PRKCA: variants seen among roughly 807,000 people sequenced by gnomAD.
The protein encoded by PRKCA is protein kinase C alpha type.
PRKCA carries 27 observed loss-of-function variants against 87.0 expected under a neutral mutation model. The observed-to-expected ratio is 0.31, with a 90% CI of 0.23 to 0.43. The LOEUF (loss-of-function observed/expected upper bound fraction) is 0.43, where lower values mean the gene tolerates loss of function less well. Among genes scored for constraint, PRKCA ranks in the 20% least tolerant of loss-of-function variants. PRKCA has a pLI of 1.00. For synonymous variants in PRKCA, 329 were observed against 311.1 expected (o/e 1.06, Z -0.61); for missense variants, 518 against 852.3 (o/e 0.61, Z 4.88).
intron 14 of PRKCA, among the ~76,000 whole-genome samples, chr17:66,784,808 C>T (rs1975337148): frequency 6.6e-6 from 1 of 152,132 alleles, no homozygotes; most frequent in African/African-American, 2.4e-5. Context: ...CCTGATGGCA[C>T]AGGTAGCTGT....
rs1016023125 is a variant in PRKCA, at chr17:66,439,742, G to A, written c.206-56459G>A. 9.2e-5 allele frequency among the ~76,000 whole-genome samples: 14 copies of A among 152,288 alleles called. No individual in the cohort carries two copies. The East Asian group carries it at 1.3e-3, about 15-fold the overall frequency. On this transcript the variant is annotated intron_variant, in intron 2 of 16. Coordinates refer to ENST00000413366, the MANE Select transcript of PRKCA (RefSeq NM_002737.3). ...GTCAAAGGATACTATAGGTCATGGC[G>A]CATGGTCTTTTGCTGATGTTCGTTT... is the stretch of plus-strand genomic sequence containing the variant.
intron 2 of PRKCA, among the ~76,000 whole-genome samples, chr17:66,448,630 C>A (rs749608753): frequency 1.3e-5 from 2 of 152,078 alleles, no homozygotes; most frequent in African/African-American, 2.4e-5. Context: ...GCATAATTCA[C>A]GTTATAAGGA....
At position 66,803,917 on chromosome 17, in the gene PRKCA, A is replaced by G. The variant is rs779258930; in HGVS notation, c.1899A>G (p.Gly633=). ...AENFDKFFTR[G]QPVLTPPDQL... Reference sequence around the variant, plus strand: ...ACTTTGACAAGTTCTTCACACGAGGACAGCCCGTCTTAACACCACCTGATC... The same window carrying G: ...ACTTTGACAAGTTCTTCACACGAGGGCAGCCCGTCTTAACACCACCTGATC... Residue 633 remains glycine (G), a synonymous_variant, in exon 17 of 17, where the codon GGA becomes GGG. Transcript: ENST00000413366. This position sits in a 1 kb window ranked among gnomAD's most constrained non-coding sequence, Gnocchi z 4.4. 9.9e-6 allele frequency: 16 copies of G among 1,613,900 alleles called. No homozygotes were observed. In the Admixed American group the frequency reaches 2.5e-4, roughly 25 times the overall value.
intron 2 of PRKCA, among the ~76,000 whole-genome samples, chr17:66,361,385 C>T (rs181449302): frequency 2.6e-5 from 4 of 151,614 alleles, no homozygotes; most frequent in African/African-American, 7.3e-5. Context: ...GACCCTGGCT[C>T]ACTGTTACCT....
intron 2 of PRKCA, among the ~76,000 whole-genome samples, chr17:66,437,552 T>C (rs1039102405): frequency 8.5e-5 from 13 of 152,058 alleles, no homozygotes; most frequent in Admixed American, 2.6e-4. Flanking sequence ...TTTTTCTCAC[T>C]GACAGATAGG....
At chr17:66,768,244 A>ATT (rs148009151) in intron 13 of PRKCA, among the ~76,000 whole-genome samples, 16 of 132,510 alleles carry the variant, frequency 1.2e-4, no homozygotes, top group Middle Eastern at 8.2e-3. Flanking sequence ...ATGCCCAGCC[A>ATT]TTTTTTTTTT....
At chr17:66,643,566 C>T (rs566906689) in intron 4 of PRKCA, among the ~76,000 whole-genome samples, 31 of 152,310 alleles carry the variant, frequency 2.0e-4, no homozygotes, top group Admixed American at 6.5e-4. Flanking sequence ...ACTTTGTTTG[C>T]AAAATGGTTT....
intron 3 of PRKCA, among the ~76,000 whole-genome samples, chr17:66,607,890 T>C (rs1427870025): frequency 6.6e-6 from 1 of 152,226 alleles, no homozygotes; most frequent in Admixed American, 6.5e-5. Flanking sequence ...AAAAGTATTC[T>C]AAAATGAGGT....
chr17:66,360,053 G>A (rs1908297675), intron 2 of PRKCA, among the ~76,000 whole-genome samples: 1 of 152,128 alleles, frequency 6.6e-6, no homozygotes, highest in South Asian at 2.1e-4. Flanking sequence ...GATTCTGAGA[G>A]GATAATTTAT....
intron 2 of PRKCA, among the ~76,000 whole-genome samples, chr17:66,421,673 C>T (rs1912503979): frequency 6.6e-6 from 1 of 151,450 alleles, no homozygotes; most frequent in Admixed American, 6.6e-5. Flanking sequence ...GCTGGGATTA[C>T]AGGCACCCGC....
chr17:66,784,020 A>G (rs945557970), intron 14 of PRKCA, among the ~76,000 whole-genome samples: 4 of 152,214 alleles, frequency 2.6e-5, no homozygotes, highest in African/African-American at 7.2e-5. Flanking sequence ...TAATTTTTCA[A>G]TGAGGGACTC....
chr17:66,352,145 G>T (rs1263188803), intron 2 of PRKCA, among the ~76,000 whole-genome samples: 3 of 152,172 alleles, frequency 2.0e-5, no homozygotes, highest in African/African-American at 7.2e-5. Flanking sequence ...TGGCTTAGAG[G>T]GCTGACGTGA....
At position 66,303,039 on chromosome 17, in the gene PRKCA, G is replaced by A; in HGVS notation, c.173+15G>A. The A allele has an allele frequency of 6.2e-7, 1 of 1,603,462 alleles. No individual in the cohort carries two copies. The highest frequency in any genetic ancestry group is 2.3e-5 in the East Asian group (1 of 43,590). ...GACTTCATCTGGTAGGTGCCGGGCCGGGCACTCCTGCCCCGCTCCTCCCCG... is the reference window on the plus strand; with the variant it reads ...GACTTCATCTGGTAGGTGCCGGGCCAGGCACTCCTGCCCCGCTCCTCCCCG... On this transcript the variant is annotated intron_variant, in intron 1 of 16. Transcript: ENST00000413366.
chr17:66,467,309 A>G (rs78227653), intron 2 of PRKCA, among the ~76,000 whole-genome samples: 4,690 of 152,222 alleles, frequency 0.031, 244 homozygotes, highest in African/African-American at 0.11. Flanking sequence ...ATTTCATGCT[A>G]TGTAGCCAGA....
chr17:66,737,745 C>T (rs369151313), intron 10 of PRKCA, among the ~76,000 whole-genome samples: 4 of 152,320 alleles, frequency 2.6e-5, no homozygotes, highest in African/African-American at 7.2e-5. Context: ...AATCAAGTCA[C>T]GCCAGGGAGA....
chr17:66,608,412 A>G (rs1437961149), intron 3 of PRKCA, among the ~76,000 whole-genome samples: 2 of 152,228 alleles, frequency 1.3e-5, no homozygotes. Context: ...CCAGATCCAT[A>G]CTTAAATTTT....
chr17:66,753,573 G>A (rs931776052), intron 13 of PRKCA, among the ~76,000 whole-genome samples: 1 of 152,124 alleles, frequency 6.6e-6, no homozygotes, highest in Non-Finnish European at 1.5e-5. Context: ...CCAGGTTCTT[G>A]GGAAATGTAA....
intron 2 of PRKCA, among the ~76,000 whole-genome samples, chr17:66,393,941 G>T (rs1051302829): frequency 6.6e-6 from 1 of 152,066 alleles, no homozygotes; most frequent in Non-Finnish European, 1.5e-5. Context: ...CGGGCATGGT[G>T]GCAGACGCCT....
chr17:66,378,239 C>T (rs1909583374), intron 2 of PRKCA, among the ~76,000 whole-genome samples: 1 of 152,116 alleles, frequency 6.6e-6, no homozygotes, highest in Non-Finnish European at 1.5e-5. Context: ...AGGAGAATCG[C>T]TTGAACCTGG....
Sources: gnomAD v4.1 joint callset for allele counts (sites outside exome capture counted in the v4.1 genomes callset) on GRCh38, gnomAD v4.1.1 for gene constraint, Gnocchi (gnomAD v3.1) non-coding constraint, MANE v1.5 for transcripts, NCBI Gene and HGNC (gene_info 2026-07-23, HGNC 2026-07-21) for gene names.